TLE4: variants seen among roughly 807,000 people sequenced by gnomAD.
The protein encoded by TLE4 is transducin-like enhancer protein 4.
A neutral mutation model predicts 92.8 loss-of-function variants in TLE4; 8 were observed. The ratio of observed to expected loss-of-function variants is 0.09; its 90% CI spans 0.05 to 0.16. The LOEUF is 0.16. Among genes scored for constraint, TLE4 ranks in the 10% least tolerant of loss-of-function variants. The pLI is 1.00. For missense variants in TLE4, 675 were observed against 997.6 expected, an observed-to-expected ratio of 0.68 and a Z score of 4.36; for synonymous variants, 371 against 374.1, an observed-to-expected ratio of 0.99 and a Z score of 0.10.
At chr9:79,599,001 GA>G (rs1157921558) in intron 4 of TLE4, among the ~76,000 whole-genome samples, 3 of 152,076 alleles carry the variant, frequency 2.0e-5, no homozygotes, top group Non-Finnish European at 4.4e-5. Context: ...TTCCTATTCT[GA>G]AATTATCTTT....
chr9:79,678,107 A>C (rs2063630665), intron 8 of TLE4, among the ~76,000 whole-genome samples: 1 of 152,136 alleles, frequency 6.6e-6, no homozygotes, highest in African/African-American at 2.4e-5. Context: ...TAGATATGTG[A>C]ACTATAAATA....
intron 19 of TLE4, among the ~76,000 whole-genome samples, 180 bp from the exon 20 acceptor site, chr9:79,724,846 TATTAAAAAAAA>T (rs1319169430): frequency 2.1e-4 from 3 of 13,974 alleles, no homozygotes; most frequent in African/African-American, 3.9e-4. Flanking sequence ...GACCCTGTCT[TATTAAAAAAAA>T]AAAAAAAAAA....
intron 8 of TLE4, among the ~76,000 whole-genome samples, chr9:79,694,071 A>G (rs940612643): frequency 6.6e-6 from 1 of 152,228 alleles, no homozygotes; most frequent in Admixed American, 6.5e-5. Flanking sequence ...CCACAGTGCC[A>G]CCAGCAAGAC....
At position 79,573,511 on chromosome 9, in the gene TLE4, A is replaced by G. The variant is rs2036578022; in HGVS notation, c.46-178A>G. ...TGCGGGGCCCCAGGACCACCTCGAA[A>G]CCAGCCTCTGCCTGGGCTGTTGGGC... On this transcript the variant is annotated intron_variant, in intron 1 of 19. Transcript: ENST00000376552. 8 of 834,238 alleles carry G rather than the reference A, an allele frequency of 9.6e-6. No individual in the cohort carries two copies. The South Asian group carries it at 2.7e-4, about 28-fold the overall frequency. 51.7% of individuals were successfully genotyped at this position (834,238 alleles called of 1,614,324 possible).
At chr9:79,668,783 C>T (rs969475274) in intron 8 of TLE4, 140 of 984,024 alleles carry the variant, frequency 1.4e-4, no homozygotes, top group Non-Finnish European at 1.2e-4. Context: ...TTTTAATTTG[C>T]TTTAAACAAA....
chr9:79,614,550 G>A (rs2049062121), intron 5 of TLE4, among the ~76,000 whole-genome samples: 1 of 152,140 alleles, frequency 6.6e-6, no homozygotes, highest in Non-Finnish European at 1.5e-5. Context: ...AAGCCATGGG[G>A]AGATACTGAC....
At chr9:79,577,558 C>G (rs1201339295) in intron 4 of TLE4, among the ~76,000 whole-genome samples, 1 of 152,114 alleles carries the variant, frequency 6.6e-6, no homozygotes, top group Non-Finnish European at 1.5e-5. Flanking sequence ...TCTGTTCAAT[C>G]TTGTGGATGG....
At chr9:79,696,463 ACTT>A (rs2068281296) in intron 8 of TLE4, among the ~76,000 whole-genome samples, 2 of 152,120 alleles carry the variant, frequency 1.3e-5, no homozygotes, top group Non-Finnish European at 2.9e-5. Flanking sequence ...CGACCTTAAA[ACTT>A]ATTAGGCAGC....
intron 8 of TLE4, among the ~76,000 whole-genome samples, chr9:79,681,128 C>G (rs940753765): frequency 1.3e-5 from 2 of 152,078 alleles, no homozygotes; most frequent in African/African-American, 4.8e-5. Context: ...GGACCTCAGA[C>G]AAGTCCCTTC....
chr9:79,593,603 T>C (rs946425009), intron 4 of TLE4, among the ~76,000 whole-genome samples: 1 of 152,176 alleles, frequency 6.6e-6, no homozygotes, highest in African/African-American at 2.4e-5. Flanking sequence ...AAACATAATA[T>C]TAAAGAAAAT....
chr9:79,708,210 G>T lies in TLE4; in HGVS notation c.1029G>T (p.Leu343Phe). 1 of 1,614,172 alleles carries T rather than the reference G, an allele frequency of 6.2e-7. No individual in the cohort carries two copies. The highest frequency in any genetic ancestry group is 8.5e-7 in the Non-Finnish European group (1 of 1,180,026). Reference protein sequence around the residue: ...PTPGSNSTPGLRPVPGKPPGV... With the variant: ...PTPGSNSTPGFRPVPGKPPGV... ...CAGGCAGTAACTCTACTCCCGGATT[G>T]AGGCCTGTACCTGGAAAACCACCAG... is the stretch of plus-strand genomic sequence containing the variant. Residue 343 changes from leucine (L) to phenylalanine (F), a missense_variant, in exon 12 of 20, where the codon TTG becomes TTT. Leu to Phe is a conservative substitution (Grantham distance 22). This residue lies in a region of TLE4 where 280 missense variants were observed against 287.3 expected (regional missense o/e 0.97). Transcript: ENST00000376552.
At chr9:79,707,852 C>T (rs2072117187) in intron 11 of TLE4, among the ~76,000 whole-genome samples, 1 of 152,182 alleles carries the variant, frequency 6.6e-6, no homozygotes, top group African/African-American at 2.4e-5. Context: ...GGTTTGTGAG[C>T]CTCATCTGAC....
chr9:79,578,620 T>C (rs755614905), intron 4 of TLE4, among the ~76,000 whole-genome samples: 28 of 152,174 alleles, frequency 1.8e-4, no homozygotes, highest in African/African-American at 4.1e-4. Context: ...TTGATTCTGA[T>C]AGAGAACTAT....
chr9:79,660,470 C>T (rs150249289), intron 8 of TLE4, among the ~76,000 whole-genome samples: 113 of 152,208 alleles, frequency 7.4e-4, no homozygotes, highest in African/African-American at 2.6e-3. Flanking sequence ...AAGCATTTAA[C>T]GTTATAACTC....
intron 8 of TLE4, among the ~76,000 whole-genome samples, chr9:79,670,811 C>CT (rs961740140): frequency 6.6e-6 from 1 of 152,044 alleles, no homozygotes; most frequent in Non-Finnish European, 1.5e-5. Flanking sequence ...TGGCAGTCTT[C>CT]TTCTCTATCT....
chr9:79,697,958 AG>A (rs1355889715), intron 8 of TLE4, among the ~76,000 whole-genome samples: 2 of 152,180 alleles, frequency 1.3e-5, no homozygotes, highest in African/African-American at 4.8e-5. Context: ...TTCTGTACTT[AG>A]TGGGTTAAAT....
At chr9:79,597,765 C>G (rs1391977988) in intron 4 of TLE4, among the ~76,000 whole-genome samples, 1 of 152,184 alleles carries the variant, frequency 6.6e-6, no homozygotes, top group Non-Finnish European at 1.5e-5. Context: ...GTTTACTTTT[C>G]TCCAGCTATA....
intron 8 of TLE4, 143 bp downstream of exon 8, chr9:79,654,218 GGT>G: frequency 1.3e-6 from 1 of 797,082 alleles, no homozygotes; most frequent in Admixed American, 3.1e-5. Context: ...ATTACTTTCA[GGT>G]GTGTGGTTGA....
At chr9:79,654,475 T>C (rs1033399640) in intron 8 of TLE4, among the ~76,000 whole-genome samples, 1 of 151,818 alleles carries the variant, frequency 6.6e-6, no homozygotes, top group Non-Finnish European at 1.5e-5. Flanking sequence ...TACAAAAATA[T>C]TTGTTTAAGT....
Sources: gnomAD v4.1 joint callset for allele counts (sites outside exome capture counted in the v4.1 genomes callset) on GRCh38, gnomAD v4.1.1 for gene constraint, gnomAD v4.1.1 regional missense constraint, MANE v1.5 for transcripts, NCBI Gene and HGNC (gene_info 2026-07-23, HGNC 2026-07-21) for gene names.